Variants in NCOA6 observed in about 807,000 individuals in gnomAD.
NCOA6 encodes the protein NRC RAP250.
A neutral mutation model predicts 171.4 loss-of-function variants in NCOA6; 49 were observed. That is an observed-to-expected ratio of 0.29 (90% confidence interval 0.23 to 0.36). The LOEUF is 0.36. NCOA6 is among the 10% of genes least tolerant of loss of function. The pLI is 1.00. For synonymous variants in NCOA6, 910 were observed against 927.5 expected, an observed-to-expected ratio of 0.98 and a Z score of 0.34; for missense variants, 2,248 against 2,554.5, an observed-to-expected ratio of 0.88 and a Z score of 2.59.
At position 34,774,074 on chromosome 20, in the gene NCOA6, T is replaced by C. The variant is rs545495933; in HGVS notation, c.391+2219A>G. ...GTACTCATGTTTAAATTTATGGCTA[T>C]AATGTTAAGGGAGAACCAGCATTAT... is the stretch of plus-strand genomic sequence containing the variant. On this transcript the variant is annotated intron_variant, in intron 4 of 14. Coordinates refer to ENST00000359003, the MANE Select transcript of NCOA6 (RefSeq NM_014071.5). Among the ~76,000 whole-genome samples, 3 of 152,362 alleles carry C rather than the reference T, an allele frequency of 2.0e-5. No individual in the cohort carries two copies. In the East Asian group the frequency reaches 5.8e-4, roughly 29 times the overall value.
Position 34,776,353 on chromosome 20 carries a change from G to C in NCOA6, c.331C>G (p.Leu111Val). The C allele has an allele frequency of 6.2e-7, 1 of 1,614,116 alleles. No individual in the cohort carries two copies. Among genetic ancestry groups the C allele is most frequent in the Non-Finnish European group, 8.5e-7 (1 of 1,180,042 alleles). Residue 111 changes from leucine (L) to valine (V), a missense_variant, in exon 4 of 15, where the codon CTT becomes GTT. Coordinates refer to ENST00000359003, the MANE Select transcript of NCOA6 (RefSeq NM_014071.5). ...AGCTGCTGGTTGTTGCTCTGAGCAA[G>C]GATCCGTAGCCGCTCCGCTGCTTCC... Reference protein sequence around the residue: ...PREAAERLRILAQSNNQQLRD... With the variant: ...PREAAERLRIVAQSNNQQLRD...
At chr20:34,810,227 G>C (rs2078606725) in intron 1 of NCOA6, among the ~76,000 whole-genome samples, 1 of 152,136 alleles carries the variant, frequency 6.6e-6, no homozygotes, top group African/African-American at 2.4e-5. Flanking sequence ...TAAGTAAGCA[G>C]GTATCAGAAA....
intron 5 of NCOA6, among the ~76,000 whole-genome samples, chr20:34,765,430 A>G (rs1435089481): frequency 7.5e-6 from 1 of 133,966 alleles, no homozygotes; most frequent in Non-Finnish European, 1.6e-5. Flanking sequence ...ACAGAGCGAG[A>G]GTCCGTCTCA....
intron 1 of NCOA6, among the ~76,000 whole-genome samples, chr20:34,817,555 A>T (rs2078883061): frequency 1.3e-5 from 2 of 151,204 alleles, no homozygotes; most frequent in African/African-American, 4.9e-5. Context: ...TCTAAATGTA[A>T]CTCTAGTTAT....
rs1356016884 is a variant in NCOA6, at chr20:34,749,670, G to A, written c.2525C>T (p.Ser842Leu). 13 of 1,614,068 alleles carry A rather than the reference G, an allele frequency of 8.1e-6. No individual in the cohort carries two copies. The highest frequency in any genetic ancestry group is 4.5e-5 in the East Asian group (2 of 44,888). ...HVQAMQGNSASGNHFSGHGMS... is the reference protein window; with the variant it reads ...HVQAMQGNSALGNHFSGHGMS... ...CCCATGGCCTGAGAAGTGGTTTCCC[G>A]AGGCACTGTTTCCCTGCATGGCCTG... is the stretch of plus-strand genomic sequence containing the variant. Residue 842 changes from serine (S) to leucine (L), a missense_variant, in exon 9 of 15, where the codon TCG (serine) becomes TTG (leucine). Physicochemically the swap from Ser to Leu is moderately radical, Grantham distance 145. This residue lies in a region of NCOA6 where 987 missense variants were observed against 1,104.7 expected (regional missense o/e 0.89). Transcript: ENST00000359003.
chr20:34,728,534 C>T (rs1054048963), intron 13 of NCOA6, among the ~76,000 whole-genome samples: 3 of 152,212 alleles, frequency 2.0e-5, no homozygotes, highest in African/African-American at 7.2e-5. Context: ...TGCCACTAAA[C>T]GTAAGCCCCA....
chr20:34,803,223 T>A (rs1339067689), intron 1 of NCOA6, among the ~76,000 whole-genome samples: 2 of 152,126 alleles, frequency 1.3e-5, no homozygotes, highest in African/African-American at 4.8e-5. Context: ...ATCTCAGAAC[T>A]TTGGAATGCC....
intron 13 of NCOA6, among the ~76,000 whole-genome samples, chr20:34,728,496 C>T (rs1990238412): frequency 6.6e-6 from 1 of 152,098 alleles, no homozygotes; most frequent in African/African-American, 2.4e-5. Context: ...AGGGGTGCTA[C>T]CGGAATCTTT....
rs2076189546 is a variant in NCOA6 at position 34,742,843 on chromosome 20, C to A, written c.3413G>T (p.Ser1138Ile). The A allele has an allele frequency of 1.9e-6, 3 of 1,614,196 alleles. No homozygotes were observed. Among genetic ancestry groups the A allele is most frequent in the Non-Finnish European group, 2.5e-6 (3 of 1,180,034 alleles). ...GCCTCCTGGGACAGATGGTGCTTCA[C>A]TGCCACTTGCTTCAGGGAGTGAGGC... Reference protein sequence around the residue: ...EMASLPEASGSEAPSVPGGPN... With the variant: ...EMASLPEASGIEAPSVPGGPN... Residue 1138 changes from serine (S) to isoleucine (I), a missense_variant, in exon 11 of 15, where the codon AGT becomes ATT. By Grantham distance (142) the Ser-to-Ile change is moderately radical (BLOSUM62 -2). This residue lies in a region of NCOA6 where 352 missense variants were observed against 419.1 expected (regional missense o/e 0.84). Coordinates refer to ENST00000359003, the MANE Select transcript of NCOA6 (RefSeq NM_014071.5).
intron 14 of NCOA6, among the ~76,000 whole-genome samples, chr20:34,715,733 C>T (rs1284358308): frequency 3.3e-5 from 5 of 152,064 alleles, no homozygotes; most frequent in South Asian, 2.1e-4. Context: ...GAGAAATCAA[C>T]GAGTAATGCC....
chr20:34,782,260 T>C lies in NCOA6; in HGVS notation c.96A>G (p.Leu32=), dbSNP rs913203460. The change falls in exon 3 of 15, where the codon CTA becomes CTG. Residue 32 remains leucine, a synonymous_variant. Transcript: ENST00000359003. The part of the protein sequence containing the change: ...EDSEMDFDSG[L]EDDDTKSDSI... ...TATCACTTTTTGTGTCATCATCTTC[T>C]AGTCCAGAGTCAAAATCCATCTCTG... 1.9e-6 allele frequency: 3 copies of C among 1,612,612 alleles called. No individual in the cohort carries two copies. In the African/African-American group the frequency reaches 4.0e-5, roughly 22 times the overall value.
At chr20:34,796,003 A>ATTTTTTTTTTTTTTTTTTT (rs569229378) in intron 1 of NCOA6, among the ~76,000 whole-genome samples, 2 of 95,766 alleles carry the variant, frequency 2.1e-5, no homozygotes, top group Non-Finnish European at 2.0e-5. Context: ...ATATGTTTGA[A>ATTTTTTTTTTTTTTTTTTT]TTTTTTTTTT....
intron 7 of NCOA6, among the ~76,000 whole-genome samples, chr20:34,755,766 C>T (rs956998137): frequency 6.6e-6 from 1 of 152,104 alleles, no homozygotes; most frequent in African/African-American, 2.4e-5. Flanking sequence ...GATGGAGTCT[C>T]GCTCTGTTGC....
chr20:34,722,149 G>A (rs1260280068), intron 14 of NCOA6, among the ~76,000 whole-genome samples: 1 of 151,534 alleles, frequency 6.6e-6, no homozygotes, highest in Admixed American at 6.6e-5. Flanking sequence ...GGGAGGCCGA[G>A]GCAGGTGGAT....
chr20:34,788,704 G>C (rs1041009834), intron 2 of NCOA6, among the ~76,000 whole-genome samples: 2 of 152,156 alleles, frequency 1.3e-5, no homozygotes, highest in Admixed American at 1.3e-4. Flanking sequence ...CCAGCACTTT[G>C]AGAGGCCGAA....
At chr20:34,810,768 T>G (rs914901657) in intron 1 of NCOA6, among the ~76,000 whole-genome samples, 1 of 152,056 alleles carries the variant, frequency 6.6e-6, no homozygotes, top group Non-Finnish European at 1.5e-5. Context: ...GTGGTCTCGA[T>G]CTCCTGACCT....
chr20:34,738,028 A>G (rs1488641605), intron 11 of NCOA6, among the ~76,000 whole-genome samples: 1 of 152,084 alleles, frequency 6.6e-6, no homozygotes, highest in Non-Finnish European at 1.5e-5. Flanking sequence ...CCTTCTGAGT[A>G]GCTGGGACCA....
Position 34,743,572 on chromosome 20 carries a change from G to T in NCOA6, c.2915-231C>A, listed in dbSNP as rs144142626. Among the ~76,000 whole-genome samples, 58 of 152,260 alleles carry T rather than the reference G, an allele frequency of 3.8e-4. 1 individual carries two copies. Among genetic ancestry groups the T allele is most frequent in the Non-Finnish European group, 7.9e-4 (54 of 68,030 alleles). The stretch of plus-strand genomic sequence containing the variant: ...GCATCAAAAAACCTGGAGCTCCTCG[G>T]TGTGTAGGATCTGAATGAGCCATGA... On this transcript the variant is annotated intron_variant, in intron 10 of 14. Coordinates refer to ENST00000359003, the MANE Select transcript of NCOA6 (RefSeq NM_014071.5).
intron 12 of NCOA6, among the ~76,000 whole-genome samples, chr20:34,733,790 T>C (rs2075859341): frequency 7.6e-6 from 1 of 130,862 alleles, no homozygotes; most frequent in South Asian, 2.4e-4. Context: ...AGGCAGAGAC[T>C]TCAGTGAACC....
Sources: gnomAD v4.1 joint callset for allele counts (sites outside exome capture counted in the v4.1 genomes callset) on GRCh38, gnomAD v4.1.1 for gene constraint, gnomAD v4.1.1 regional missense constraint, MANE v1.5 for transcripts, NCBI Gene and HGNC (gene_info 2026-07-23, HGNC 2026-07-21) for gene names.